The following SLC24A2 variants were observed in gnomAD, a reference collection of about 807,000 sequenced individuals.
SLC24A2 encodes sodium/potassium/calcium exchanger 2.
A neutral mutation model predicts 62.0 loss-of-function variants in SLC24A2; 36 were observed. The observed-to-expected ratio is 0.58, with a 90% CI of 0.44 to 0.77. The LOEUF is 0.77. Among genes scored for constraint, SLC24A2 ranks in the 30% least tolerant of loss-of-function variants. The pLI, the probability that SLC24A2 is intolerant of heterozygous loss-of-function variation, is 0.00. For missense variants in SLC24A2, 846 were observed against 817.9 expected (o/e 1.03, Z -0.42); for synonymous variants, 358 against 294.0 (o/e 1.22, Z -2.23).
At chr9:19,863,046 A>T in the SLC24A2 span, among the ~76,000 whole-genome samples, 13 of 152,166 alleles carry the variant, frequency 8.5e-5, no homozygotes, top group Middle Eastern at 3.4e-3. Context: ...GAAAATAAGG[A>T]GATGGAAAAT....
the SLC24A2 span, among the ~76,000 whole-genome samples, chr9:20,068,774 A>G: frequency 6.6e-6 from 1 of 152,166 alleles, no homozygotes; most frequent in Non-Finnish European, 1.5e-5. Context: ...AGCAATGGCC[A>G]TGCTCTTTCT....
At chr9:19,544,816 C>T (rs1347157189) in intron 8 of SLC24A2, among the ~76,000 whole-genome samples, 3 of 152,164 alleles carry the variant, frequency 2.0e-5, no homozygotes, top group Non-Finnish European at 4.4e-5. Flanking sequence ...GATGGGCTTC[C>T]CTTTGTGGGT....
chr9:19,805,776 A>C, the SLC24A2 span, among the ~76,000 whole-genome samples: 1 of 145,272 alleles, frequency 6.9e-6, no homozygotes, highest in Non-Finnish European at 1.5e-5. Flanking sequence ...TTTTTTTTCC[A>C]CTGTTAGATT....
chr9:19,684,677 A>G lies in SLC24A2; in HGVS notation c.931-62378T>C, dbSNP rs568900766. Reference sequence around the variant, plus strand: ...TCATTACGAAAGACAAATTGTGAAGAAAGTAGGTATATAAGAAACCTGGAA... The same window carrying G: ...TCATTACGAAAGACAAATTGTGAAGGAAGTAGGTATATAAGAAACCTGGAA... On this transcript the variant is annotated intron_variant, in intron 2 of 10. Transcript: ENST00000341998. Among the ~76,000 whole-genome samples the G allele has an allele frequency of 1.4e-4, 21 of 151,512 alleles. No individual in the cohort carries two copies. In the South Asian group the frequency reaches 4.4e-3, roughly 32 times the overall value.
intron 2 of SLC24A2, among the ~76,000 whole-genome samples, chr9:19,765,307 AT>A (rs145503336): frequency 0.038 from 5,820 of 152,156 alleles, 381 homozygotes; most frequent in African/African-American, 0.13. Flanking sequence ...TTTAAGGTTA[AT>A]ATTGTTATGT....
chr9:20,102,199 GT>G, the SLC24A2 span, among the ~76,000 whole-genome samples: 1 of 152,088 alleles, frequency 6.6e-6, no homozygotes, highest in African/African-American at 2.4e-5. Context: ...GAGAACTAAG[GT>G]TTCTGGGGTA....
chr9:20,194,253 G>A, the SLC24A2 span, among the ~76,000 whole-genome samples: 1 of 152,072 alleles, frequency 6.6e-6, no homozygotes, highest in Non-Finnish European at 1.5e-5. Context: ...ATAAGTCTTA[G>A]ACTTCTGTAT....
chr9:19,654,637 A>C (rs1587104483), intron 2 of SLC24A2, among the ~76,000 whole-genome samples: 1 of 152,126 alleles, frequency 6.6e-6, no homozygotes, highest in Non-Finnish European at 1.5e-5. Flanking sequence ...GGAATCTTGC[A>C]CCAGCTGGTA....
At chr9:19,898,371 C>T in the SLC24A2 span, among the ~76,000 whole-genome samples, 1 of 152,212 alleles carries the variant, frequency 6.6e-6, no homozygotes, top group Admixed American at 6.5e-5. Flanking sequence ...TGCTTCATCC[C>T]ATAACACTAC....
chr9:19,536,125 T>C (rs1833959511), intron 8 of SLC24A2, among the ~76,000 whole-genome samples: 1 of 151,690 alleles, frequency 6.6e-6, no homozygotes, highest in Non-Finnish European at 1.5e-5. Flanking sequence ...AGTTCACTCA[T>C]GATTTGGCTC....
chr9:19,650,655 G>A (rs1424456374), intron 2 of SLC24A2, among the ~76,000 whole-genome samples: 1 of 152,168 alleles, frequency 6.6e-6, no homozygotes, highest in Non-Finnish European at 1.5e-5. Flanking sequence ...AAACAGCAAT[G>A]TTCTGGAGTG....
chr9:19,835,473 C>G, the SLC24A2 span, among the ~76,000 whole-genome samples: 8 of 152,102 alleles, frequency 5.3e-5, no homozygotes, highest in African/African-American at 1.9e-4. Flanking sequence ...TCAAAAGAGA[C>G]AAAGAAGGCC....
At chr9:20,304,299 C>T in the SLC24A2 span, among the ~76,000 whole-genome samples, 2 of 152,040 alleles carry the variant, frequency 1.3e-5, no homozygotes, top group South Asian at 4.2e-4. Context: ...GCCCCGGGAG[C>T]GGATTCTGCA....
the SLC24A2 span, among the ~76,000 whole-genome samples, chr9:19,943,314 T>C: frequency 6.6e-6 from 1 of 152,174 alleles, no homozygotes; most frequent in Non-Finnish European, 1.5e-5. Context: ...AACCTGGGCT[T>C]TCATGTACTC....
chr9:19,709,616 G>T (rs1026569575), intron 2 of SLC24A2, among the ~76,000 whole-genome samples: 1 of 152,004 alleles, frequency 6.6e-6, no homozygotes, highest in East Asian at 1.9e-4. Context: ...GGACATGGAT[G>T]AAACTGGACA....
At chr9:19,822,787 G>A in the SLC24A2 span, among the ~76,000 whole-genome samples, 2 of 152,118 alleles carry the variant, frequency 1.3e-5, no homozygotes, top group East Asian at 1.9e-4. Context: ...GTAAGGGAGT[G>A]CTCACTAGTC....
chr9:20,097,603 T>A, the SLC24A2 span, among the ~76,000 whole-genome samples: 1 of 152,040 alleles, frequency 6.6e-6, no homozygotes, highest in Non-Finnish European at 1.5e-5. Context: ...TCAAACTTCT[T>A]ACAGGTTGGA....
At chr9:19,876,115 C>T in the SLC24A2 span, among the ~76,000 whole-genome samples, 5 of 152,122 alleles carry the variant, frequency 3.3e-5, no homozygotes, top group Non-Finnish European at 7.4e-5. Flanking sequence ...AATCAAAGAG[C>T]ATATTAATAT....
At chr9:20,173,011 T>G in the SLC24A2 span, among the ~76,000 whole-genome samples, 1 of 152,098 alleles carries the variant, frequency 6.6e-6, no homozygotes. Context: ...ATACCAGGGT[T>G]GCAGAGATGG....
Sources: allele counts gnomAD v4.1 joint callset (sites outside exome capture counted in the v4.1 genomes callset), GRCh38; gene constraint gnomAD v4.1.1; transcripts MANE v1.5; gene names NCBI Gene and HGNC (gene_info 2026-07-23, HGNC 2026-07-21).